The following REST variants were observed in gnomAD, a reference collection of about 807,000 sequenced individuals.
REST encodes RE1-silencing transcription factor.
REST carries 1 observed loss-of-function variant against 30.4 expected under a neutral mutation model. The ratio of observed to expected loss-of-function variants is 0.03; its 90% CI spans 0.01 to 0.16. REST has a LOEUF of 0.16. REST is among the 10% of genes least tolerant of loss of function. The pLI is 1.00. For missense variants in REST, 1,259 were observed against 1,329.5 expected (o/e 0.95, Z 0.82); for synonymous variants, 504 against 451.1 (o/e 1.12, Z -1.49).
chr4:56,922,947 C>A (rs547025729), intron 3 of REST, among the ~76,000 whole-genome samples: 1 of 152,198 alleles, frequency 6.6e-6, no homozygotes, highest in African/African-American at 2.4e-5. Flanking sequence ...TTTATCCTTT[C>A]GTTCAATTAG....
chr4:56,914,948 C>A (rs557591709), intron 2 of REST, among the ~76,000 whole-genome samples: 35 of 78,522 alleles, frequency 4.5e-4, no homozygotes, highest in Non-Finnish European at 7.4e-4. Context: ...TTTTTTGAGA[C>A]AGTTTTACTC....
chr4:56,920,466 T>G (rs1298849836), intron 3 of REST, among the ~76,000 whole-genome samples: 1 of 151,828 alleles, frequency 6.6e-6, no homozygotes, highest in Non-Finnish European at 1.5e-5. Context: ...TCACCACTCA[T>G]AATTAGTCCC....
At chr4:56,913,404 G>C (rs1248477033) in intron 2 of REST, among the ~76,000 whole-genome samples, 1 of 152,166 alleles carries the variant, frequency 6.6e-6, no homozygotes, top group South Asian at 2.1e-4. Flanking sequence ...ACTATTGGTA[G>C]CTCATTTGGA....
chr4:56,931,748 T>C lies in REST; in HGVS notation c.2890T>C (p.Ser964Pro). Residue 964 changes from serine to proline, a missense_variant, in exon 4 of 4, where the codon TCA (serine) becomes CCA (proline). This residue lies in a region of REST where 856 missense variants were observed against 772.8 expected (regional missense o/e 1.11). Transcript: ENST00000309042. ...AAGAGAGAATCTCACTGGTATAAATTCAACAGTTGAAGAACCAGTTTCACC... is the reference window on the plus strand; with the variant it reads ...AAGAGAGAATCTCACTGGTATAAATCCAACAGTTGAAGAACCAGTTTCACC... Reference protein sequence around the residue: ...NTRENLTGINSTVEEPVSPML... With the variant: ...NTRENLTGINPTVEEPVSPML... The C allele has an allele frequency of 6.2e-7, 1 of 1,614,166 alleles. No homozygotes were observed. The highest frequency in any genetic ancestry group is 8.5e-7 in the Non-Finnish European group (1 of 1,180,032).
At chr4:56,922,303 T>C (rs1176633482) in intron 3 of REST, 18 of 136,998 alleles carry the variant, frequency 1.3e-4, no homozygotes, top group Admixed American at 2.4e-4. Flanking sequence ...ATTATTATTA[T>C]TATTATTATT....
At chr4:56,913,511 A>C (rs1453468244) in intron 2 of REST, among the ~76,000 whole-genome samples, 1 of 152,126 alleles carries the variant, frequency 6.6e-6, no homozygotes, top group African/African-American at 2.4e-5. Flanking sequence ...GTCACAAATG[A>C]ATAGGGGGTG....
In REST at chr4:56,919,338, A is replaced by G. The variant is rs959480616; in HGVS notation, c.899-449A>G. ...TCACTCAGAAGTATTGTTTTAAGCT[A>G]ACACTTTCAAATGGTAGTAGATTCA... On this transcript the variant is annotated intron_variant, in intron 2 of 3. Transcript: ENST00000309042. Among the ~76,000 whole-genome samples the G allele has an allele frequency of 3.3e-5, 5 of 152,326 alleles. No individual in the cohort carries two copies. The East Asian group carries it at 9.6e-4, about 29-fold the overall frequency.
chr4:56,910,138 T>C (rs1289784073), intron 1 of REST, among the ~76,000 whole-genome samples: 2 of 152,210 alleles, frequency 1.3e-5, no homozygotes, highest in African/African-American at 4.8e-5. Context: ...ATTACAGGCT[T>C]GTACTTTCCA....
Position 56,911,251 on chromosome 4 carries a change from A to C in REST, c.613A>C (p.Thr205Pro), listed in dbSNP as rs981639576. ...QAKARESGSS[T>P]AEEGDFSKGP... ...AAAAGCCAGGGAATCTGGCTCTTCC[A>C]CTGCAGAAGAGGGAGATTTCTCCAA... The change falls in exon 2 of 4, where the codon ACT becomes CCT. Residue 205 changes from threonine (T) to proline (P), a missense_variant. Coordinates refer to ENST00000309042, the MANE Select transcript of REST (RefSeq NM_005612.5). 4 of 1,614,042 alleles carry C rather than the reference A, an allele frequency of 2.5e-6. No homozygotes were observed. Among genetic ancestry groups the C allele is most frequent in the Non-Finnish European group, 3.4e-6 (4 of 1,180,012 alleles).
At position 56,933,035 on chromosome 4, in the gene REST, T is replaced by C. The variant is rs978390559; in HGVS notation, c.*883T>C. 3 of 151,806 alleles carry C rather than the reference T, an allele frequency of 2.0e-5. No individual in the cohort carries two copies. The highest frequency in any genetic ancestry group is 7.3e-5 in the African/African-American group (3 of 41,294). 9.4% of individuals were successfully genotyped at this position (151,806 alleles called of 1,614,324 possible). A position where few individuals can be genotyped will look rare whatever the true frequency, so the allele number is the denominator to read the frequency against. On this transcript the variant is annotated 3_prime_UTR_variant, in exon 4 of 4. Coordinates refer to ENST00000309042, the MANE Select transcript of REST (RefSeq NM_005612.5). ...GCAAATGAAATATGCAGGTTCAATCTATTGATTTTGATTTTTACATCTTAT... is the reference window on the plus strand; with the variant it reads ...GCAAATGAAATATGCAGGTTCAATCCATTGATTTTGATTTTTACATCTTAT...
Position 56,933,920 on chromosome 4 carries a change from T to G in REST, c.*1768T>G, listed in dbSNP as rs1721059140. The G allele has an allele frequency of 6.6e-6, 1 of 152,182 alleles. No homozygotes were observed. Among genetic ancestry groups the G allele is most frequent in the African/African-American group, 2.4e-5 (1 of 41,442 alleles). 9.4% of individuals were successfully genotyped at this position (152,182 alleles called of 1,614,324 possible). Reference sequence around the variant, plus strand: ...GATTTGGCAGTACAACATGAAAGATTAGGAAAAGCATTAATAACGTGTGGG... The same window carrying G: ...GATTTGGCAGTACAACATGAAAGATGAGGAAAAGCATTAATAACGTGTGGG... On this transcript the variant is annotated 3_prime_UTR_variant, in exon 4 of 4. Transcript: ENST00000309042.
At chr4:56,917,848 G>A (rs1246864556) in intron 2 of REST, among the ~76,000 whole-genome samples, 4 of 150,870 alleles carry the variant, frequency 2.7e-5, no homozygotes, top group Admixed American at 2.6e-4. Flanking sequence ...TCAGGAGATC[G>A]AGACCATCCT....
In REST at chr4:56,911,183, G is replaced by A; in HGVS notation, c.545G>A (p.Ser182Asn). 1 of 1,614,206 alleles carries A rather than the reference G, an allele frequency of 6.2e-7. No individual in the cohort carries two copies. The highest frequency in any genetic ancestry group is 8.5e-7 in the Non-Finnish European group (1 of 1,180,038). ...EQFVHHIRVH[S>N]AKKFFVEESA... ...TTTGTGCATCACATCAGAGTTCACA[G>A]TGCTAAGAAATTTTTTGTGGAAGAG... Residue 182 changes from serine (S) to asparagine (N), a missense_variant, in exon 2 of 4, where the codon AGT becomes AAT. Physicochemically the swap from Ser to Asn is conservative, Grantham distance 46. Coordinates refer to ENST00000309042, the MANE Select transcript of REST (RefSeq NM_005612.5).
chr4:56,912,984 T>TGG (rs35640834), intron 2 of REST, among the ~76,000 whole-genome samples: 15 of 147,298 alleles, frequency 1.0e-4, no homozygotes, highest in Non-Finnish European at 1.5e-4. Flanking sequence ...TTTGTGGAGA[T>TGG]GGGGGGTCTC....
At position 56,930,581 on chromosome 4, in the gene REST, A is replaced by C; in HGVS notation, c.1723A>C (p.Met575Leu). 1 of 1,612,466 alleles carries C rather than the reference A, an allele frequency of 6.2e-7. No homozygotes were observed. ...GGAGAATAAAAAGCAAAATACTTGC[A>C]TGAAAAAAAGTACAAAGAAGAAAAC... Reference protein sequence around the residue: ...VEENKKQNTCMKKSTKKKTLK... With the variant: ...VEENKKQNTCLKKSTKKKTLK... The change falls in exon 4 of 4, where the codon ATG (methionine) becomes CTG (leucine). Residue 575 changes from methionine (M) to leucine (L), a missense_variant. Physicochemically the swap from Met to Leu is conservative, Grantham distance 15. Transcript: ENST00000309042.
rs756313952 is a variant in REST, at chr4:56,930,099, C to T, written c.1241C>T (p.Thr414Ile). The T allele has an allele frequency of 6.2e-6, 10 of 1,613,844 alleles. No individual in the cohort carries two copies. The highest frequency in any genetic ancestry group is 8.5e-7 in the Non-Finnish European group (1 of 1,179,996). The change falls in exon 4 of 4, where the codon ACT becomes ATT. Residue 414 changes from threonine (T) to isoleucine (I), a missense_variant. By Grantham distance (89) the Thr-to-Ile change is moderately conservative. Coordinates refer to ENST00000309042, the MANE Select transcript of REST (RefSeq NM_005612.5). ...LQYHFKSKHP[T>I]CPNKTMDVSK... ...TATCACTTCAAATCTAAGCATCCTACTTGTCCTAATAAAACAATGGATGTC... is the reference window on the plus strand; with the variant it reads ...TATCACTTCAAATCTAAGCATCCTATTTGTCCTAATAAAACAATGGATGTC...
At chr4:56,918,180 T>C (rs1387288297) in intron 2 of REST, among the ~76,000 whole-genome samples, 6 of 150,686 alleles carry the variant, frequency 4.0e-5, no homozygotes, top group South Asian at 4.2e-4. Flanking sequence ...TCCCTGTGGC[T>C]TTTATAATTT....
rs200147565 is a variant in REST, at chr4:56,931,802, C to G, written c.2944C>G (p.Arg982Gly). 1.2e-6 allele frequency: 2 copies of G among 1,614,156 alleles called. No individual in the cohort carries two copies. Among genetic ancestry groups the G allele is most frequent in the South Asian group, 1.1e-5 (1 of 91,082 alleles). The change falls in exon 4 of 4, where the codon CGT becomes GGT. Residue 982 changes from arginine (R) to glycine (G), a missense_variant. Physicochemically the swap from Arg to Gly is moderately radical, Grantham distance 125. Coordinates refer to ENST00000309042, the MANE Select transcript of REST (RefSeq NM_005612.5). The stretch of plus-strand genomic sequence containing the variant: ...GCTTCCCCCTTCAGCAGTAGAAGAA[C>G]GTGAAGCAGTGTCCAAAACTGCACT... ...PMLPPSAVEE[R>G]EAVSKTALAS...
intron 2 of REST, among the ~76,000 whole-genome samples, chr4:56,911,953 G>A (rs1422737783): frequency 7.2e-5 from 11 of 151,974 alleles, no homozygotes; most frequent in Non-Finnish European, 1.0e-4. Context: ...AAAGACCCCC[G>A]TCTCAAAAAG....
Sources: allele counts gnomAD v4.1 joint callset (sites outside exome capture counted in the v4.1 genomes callset), GRCh38; gene constraint gnomAD v4.1.1; regional missense constraint gnomAD v4.1.1; transcripts MANE v1.5; gene names NCBI Gene and HGNC (gene_info 2026-07-23, HGNC 2026-07-21).